Variants in CD8B observed in about 807,000 individuals in gnomAD.
The protein encoded by CD8B is T-cell surface glycoprotein CD8 beta chain.
A neutral mutation model predicts 24.2 loss-of-function variants in CD8B; 6 were observed. That is an observed-to-expected ratio of 0.25 (90% CI 0.14 to 0.49). CD8B has a LOEUF of 0.49. Ranked by LOEUF, CD8B falls within the 20% of genes least tolerant of loss-of-function variation. CD8B has a pLI of 0.98. For synonymous variants in CD8B, 84 were observed against 108.3 expected (o/e 0.78, Z 1.39); for missense variants, 196 against 271.3 (o/e 0.72, Z 1.95).
rs987389818 is a variant in CD8B at position 86,817,006 on chromosome 2, C to T, written c.621-1288G>A. On this transcript the variant is annotated intron_variant, in intron 5 of 5. Transcript: ENST00000331469. Reference sequence around the variant, plus strand: ...CTCTCACAAAGTAATAAGTTAAAGACAGCAGAATTAAAAATGGGCAAAGTA... The same window carrying T: ...CTCTCACAAAGTAATAAGTTAAAGATAGCAGAATTAAAAATGGGCAAAGTA... Among the ~76,000 whole-genome samples the T allele has an allele frequency of 3.3e-5, 5 of 151,988 alleles. 1 individual carries two copies. Among genetic ancestry groups the T allele is most frequent in the Admixed American group, 3.3e-4 (5 of 15,278 alleles).
Position 86,840,635 on chromosome 2 carries a change from C to T in CD8B, c.*1672G>A, listed in dbSNP as rs1486248971. On this transcript the variant is annotated 3_prime_UTR_variant, in exon 6 of 6. Coordinates refer to ENST00000390655, the MANE Select transcript of CD8B (RefSeq NM_004931.5). ...GGCCCATGGGCTATCTGCTTAGGGT[C>T]CACTCCTACCATGTGGAGTGCTTTC... Among the ~76,000 whole-genome samples the T allele has an allele frequency of 6.6e-6, 1 of 152,180 alleles. No homozygotes were observed. Among genetic ancestry groups the T allele is most frequent in the Non-Finnish European group, 1.5e-5 (1 of 68,032 alleles).
chr2:86,859,962 C>T (rs1255437263), intron 1 of CD8B, among the ~76,000 whole-genome samples: 21 of 151,702 alleles, frequency 1.4e-4, no homozygotes, highest in Non-Finnish European at 1.9e-4. Flanking sequence ...TCTTAGCTTT[C>T]GCTCGCATCA....
intron 5 of CD8B, among the ~76,000 whole-genome samples, chr2:86,830,568 A>C (rs1226855541): frequency 4.8e-5 from 7 of 147,358 alleles, no homozygotes; most frequent in Admixed American, 1.4e-4. Context: ...CTCTGTCTCC[A>C]AAAAAAAAAA....
chr2:86,843,370 T>C, intron 5 of CD8B: 2 of 895,136 alleles, frequency 2.2e-6, no homozygotes, highest in Non-Finnish European at 1.3e-6. Flanking sequence ...GTGCTGGGAT[T>C]ACAGGCTTGA....
rs988736570 is a variant in CD8B at position 86,838,933 on chromosome 2, G to A, written c.*3374C>T. ...AGCTCTAAAGTCAACATATCTGAGT[G>A]TACAGCTTGATGACTTTTACTAATG... On this transcript the variant is annotated 3_prime_UTR_variant, in exon 6 of 6. Transcript: ENST00000390655. Among the ~76,000 whole-genome samples, 1 of 152,228 alleles carries A rather than the reference G, an allele frequency of 6.6e-6. No homozygotes were observed. The highest frequency in any genetic ancestry group is 2.4e-5 in the African/African-American group (1 of 41,454).
At chr2:86,815,525 G>A (rs1037599052), downstream of CD8B, 2 of 858,234 alleles carry the variant, frequency 2.3e-6, no homozygotes, top group Admixed American at 3.5e-5. Flanking sequence ...TCTCTGCTGG[G>A]TGTGTGGGAG....
intron 2 of CD8B, among the ~76,000 whole-genome samples, chr2:86,856,717 T>TA (rs1426440643): frequency 6.6e-6 from 1 of 151,652 alleles, no homozygotes; most frequent in African/African-American, 2.4e-5. Context: ...CTGTGAGAGT[T>TA]ACCACCCATA....
At chr2:86,833,621 TTCCC>T (rs556673491), downstream of CD8B, among the ~76,000 whole-genome samples, 797 of 84,886 alleles carry the variant, frequency 9.4e-3, 49 homozygotes, top group Non-Finnish European at 0.015. Flanking sequence ...CTCCCTCTTT[TTCCC>T]TCCCTCCCTC....
chr2:86,827,524 A>G (rs554425866), intron 5 of CD8B, among the ~76,000 whole-genome samples: 10 of 151,908 alleles, frequency 6.6e-5, no homozygotes, highest in African/African-American at 2.4e-4. Flanking sequence ...CTCACGAGCT[A>G]AGTGGGAAGA....
At chr2:86,849,480 G>A (rs907928097) in intron 3 of CD8B, among the ~76,000 whole-genome samples, 11 of 151,782 alleles carry the variant, frequency 7.2e-5, no homozygotes, top group Non-Finnish European at 1.0e-4. Context: ...ATGCCCTGGG[G>A]AGGCAAATCT....
intron 5 of CD8B, among the ~76,000 whole-genome samples, chr2:86,818,415 A>T (rs1301095340): frequency 6.6e-6 from 1 of 152,116 alleles, no homozygotes; most frequent in Non-Finnish European, 1.5e-5. Context: ...CCTGGAGCAA[A>T]TCTATCAATG....
intron 5 of CD8B, among the ~76,000 whole-genome samples, chr2:86,826,648 G>A (rs1226700471): frequency 6.6e-6 from 1 of 152,120 alleles, no homozygotes; most frequent in South Asian, 2.1e-4. Flanking sequence ...TACTAAAAAT[G>A]TTCACTTCAT....
chr2:86,843,185 G>A (rs896646450), intron 5 of CD8B, among the ~76,000 whole-genome samples: 6 of 152,042 alleles, frequency 3.9e-5, no homozygotes, highest in South Asian at 2.1e-4. Context: ...CTCTGCCTCC[G>A]GGGTTCAAGT....
chr2:86,851,783 C>T (rs553359532), intron 3 of CD8B, among the ~76,000 whole-genome samples: 3 of 152,170 alleles, frequency 2.0e-5, no homozygotes, highest in East Asian at 1.9e-4. Context: ...TCCAGAAACA[C>T]GTTTGGGCTG....
chr2:86,834,488 A>ACACAC (rs199775749), downstream of CD8B, among the ~76,000 whole-genome samples: 1 of 142,226 alleles, frequency 7.0e-6, no homozygotes, highest in African/African-American at 2.6e-5. Context: ...ACACACACAC[A>ACACAC]AAAGTCTTAA....
At chr2:86,836,707 A>G (rs1675191664), downstream of CD8B, among the ~76,000 whole-genome samples, 1 of 152,150 alleles carries the variant, frequency 6.6e-6, no homozygotes, top group Admixed American at 6.5e-5. Context: ...TCAAGGCTGC[A>G]GTGAGCCATG....
downstream of CD8B, among the ~76,000 whole-genome samples, chr2:86,834,715 T>C (rs371823051): frequency 1.8e-3 from 221 of 125,616 alleles, no homozygotes; most frequent in Middle Eastern, 3.9e-3. Flanking sequence ...GGCAGGAGGA[T>C]CATGAGGTCA....
At chr2:86,836,640 T>C (rs1018093874), downstream of CD8B, among the ~76,000 whole-genome samples, 1 of 150,954 alleles carries the variant, frequency 6.6e-6, no homozygotes, top group Non-Finnish European at 1.5e-5. Context: ...AAAAAAAAAT[T>C]AGCTGGGCAT....
At chr2:86,854,724 C>A (rs1026100569) in intron 2 of CD8B, among the ~76,000 whole-genome samples, 2 of 151,912 alleles carry the variant, frequency 1.3e-5, no homozygotes, top group African/African-American at 4.8e-5. Flanking sequence ...GGAAACAGAT[C>A]TCTCTGCACT....
Sources: gnomAD v4.1 joint callset for allele counts (sites outside exome capture counted in the v4.1 genomes callset) on GRCh38, gnomAD v4.1.1 for gene constraint, MANE v1.5 for transcripts, NCBI Gene and HGNC (gene_info 2026-07-23, HGNC 2026-07-21) for gene names.